Variants in CNTN5 observed in about 807,000 individuals in gnomAD.
The protein encoded by CNTN5 is contactin-5.
Under a neutral mutation model 129.1 loss-of-function variants are expected in CNTN5, and 77 were observed. The observed-to-expected ratio is 0.60, with a 90% CI of 0.50 to 0.72. CNTN5 has a LOEUF of 0.72. Ranked by LOEUF, CNTN5 falls within the 30% of genes least tolerant of loss-of-function variation. The pLI is 0.00. For synonymous variants in CNTN5, 509 were observed against 465.6 expected (o/e 1.09, Z -1.20); for missense variants, 1,478 against 1,328.8 (o/e 1.11, Z -1.75).
chr11:99,826,227 T>C (rs1346578250), intron 4 of CNTN5, among the ~76,000 whole-genome samples: 2 of 152,188 alleles, frequency 1.3e-5, no homozygotes, highest in African/African-American at 4.8e-5. Flanking sequence ...GGAAAGGAAG[T>C]ATTTTTATTA....
In CNTN5 at chr11:99,341,155, G is replaced by A. The variant is rs182648011; in HGVS notation, c.-71+15671G>A. Among the ~76,000 whole-genome samples the A allele has an allele frequency of 9.7e-4, 147 of 152,160 alleles. 1 individual carries two copies. The highest frequency in any genetic ancestry group is 3.4e-3 in the African/African-American group (142 of 41,534). On this transcript the variant is annotated intron_variant, in intron 2 of 24. Coordinates refer to ENST00000524871, the MANE Select transcript of CNTN5 (RefSeq NM_014361.4). Reference sequence around the variant, plus strand: ...AATACCATCTTGTAACTGGAAGAGAGGCTTCTCTATGAAAGTATGTTTATT... The same window carrying A: ...AATACCATCTTGTAACTGGAAGAGAAGCTTCTCTATGAAAGTATGTTTATT...
chr11:100,344,914 A>G (rs1025906901), intron 23 of CNTN5, among the ~76,000 whole-genome samples: 2 of 152,026 alleles, frequency 1.3e-5, no homozygotes, highest in African/African-American at 4.8e-5. Flanking sequence ...GCCATTTTCC[A>G]TGGAATATAA....
chr11:99,539,094 C>T (rs1948004109), intron 2 of CNTN5, among the ~76,000 whole-genome samples: 1 of 151,904 alleles, frequency 6.6e-6, no homozygotes, highest in South Asian at 2.1e-4. Context: ...GATATGCAAG[C>T]TTTATTCATA....
At chr11:100,257,840 G>C (rs1950108926) in intron 17 of CNTN5, among the ~76,000 whole-genome samples, 1 of 152,134 alleles carries the variant, frequency 6.6e-6, no homozygotes, top group Non-Finnish European at 1.5e-5. Context: ...GGAAAAAACA[G>C]CACAAAAAGG....
chr11:99,409,062 T>A (rs543069589), intron 2 of CNTN5, among the ~76,000 whole-genome samples: 3 of 152,362 alleles, frequency 2.0e-5, no homozygotes, highest in South Asian at 2.1e-4. Flanking sequence ...TAGTTTGTTG[T>A]AAGTAATCTA....
chr11:99,853,410 T>TA (rs35879593), intron 6 of CNTN5, among the ~76,000 whole-genome samples: 36,838 of 151,336 alleles, frequency 0.24, 4,552 homozygotes, highest in South Asian at 0.26. Context: ...TATATATATA[T>TA]TTTTTTGAGA....
chr11:100,056,757 G>T (rs1245880515), intron 9 of CNTN5, among the ~76,000 whole-genome samples: 2 of 151,482 alleles, frequency 1.3e-5, no homozygotes, highest in Admixed American at 6.6e-5. Flanking sequence ...GTGAGGGGAG[G>T]AGTGAGCAGA....
chr11:99,532,901 T>A (rs1244175290), intron 2 of CNTN5, among the ~76,000 whole-genome samples: 3 of 152,174 alleles, frequency 2.0e-5, no homozygotes, highest in Admixed American at 2.0e-4. Flanking sequence ...ATAAAGACAA[T>A]CCAGTTGATA....
intron 3 of CNTN5, among the ~76,000 whole-genome samples, chr11:99,785,009 C>T (rs1284843887): frequency 6.6e-6 from 1 of 151,638 alleles, no homozygotes; most frequent in Non-Finnish European, 1.5e-5. Context: ...CCATGTTAGC[C>T]AGGATGATCT....
chr11:99,377,201 G>GA (rs1185762946), intron 2 of CNTN5, among the ~76,000 whole-genome samples: 4 of 151,322 alleles, frequency 2.6e-5, no homozygotes, highest in Non-Finnish European at 4.4e-5. Context: ...TGGTAAAAAA[G>GA]AAAAAAAAGC....
At chr11:99,748,436 G>C (rs866122134) in intron 3 of CNTN5, among the ~76,000 whole-genome samples, 2 of 152,144 alleles carry the variant, frequency 1.3e-5, no homozygotes, top group Middle Eastern at 3.4e-3. Flanking sequence ...GAGTGAGAGA[G>C]ACAGCGTGTT....
intron 1 of CNTN5, among the ~76,000 whole-genome samples, chr11:99,205,488 T>C (rs1253560312): frequency 4.6e-5 from 7 of 152,172 alleles, no homozygotes; most frequent in Non-Finnish European, 8.8e-5. Flanking sequence ...TCTGTTTTAC[T>C]GGATCACCGT....
At chr11:100,190,607 A>C (rs570419025) in intron 13 of CNTN5, among the ~76,000 whole-genome samples, 33 of 152,254 alleles carry the variant, frequency 2.2e-4, no homozygotes, top group African/African-American at 7.9e-4. Context: ...CCCAGGTATC[A>C]GGTTGCATTT....
At chr11:99,315,709 A>G (rs1289197050) in intron 1 of CNTN5, among the ~76,000 whole-genome samples, 1 of 149,528 alleles carries the variant, frequency 6.7e-6, no homozygotes, top group African/African-American at 2.4e-5. Flanking sequence ...ATATGGGTAT[A>G]TTGAATAGAC....
chr11:99,710,520 C>T (rs1265395160), intron 3 of CNTN5, among the ~76,000 whole-genome samples: 1 of 151,398 alleles, frequency 6.6e-6, no homozygotes, highest in East Asian at 1.9e-4. Flanking sequence ...AGGGGCATGG[C>T]CCCTACTGCA....
chr11:99,672,551 T>C (rs1206986071), intron 3 of CNTN5, among the ~76,000 whole-genome samples: 1 of 151,442 alleles, frequency 6.6e-6, no homozygotes. Flanking sequence ...TACAATGTCA[T>C]ACTCTGCACG....
rs201659385 is a variant in CNTN5 at position 99,825,282 on chromosome 11, A to AT, written c.277+5525dup. On this transcript the variant is annotated intron_variant, in intron 4 of 24. Coordinates refer to ENST00000524871, the MANE Select transcript of CNTN5 (RefSeq NM_014361.4). ...TCTATATGTAATTCCTCTCTCTTGT[A>AT]TTTTTTTTGCATCATATGCCTATTT... Among the ~76,000 whole-genome samples the AT allele has an allele frequency of 1.4e-3, 207 of 151,496 alleles. 1 individual carries two copies. Among genetic ancestry groups the AT allele is most frequent in the East Asian group, 0.013 (67 of 5,156 alleles).
At chr11:99,357,564 G>T (rs1013754193) in intron 2 of CNTN5, among the ~76,000 whole-genome samples, 3 of 148,700 alleles carry the variant, frequency 2.0e-5, no homozygotes, top group African/African-American at 7.5e-5. Context: ...ACAGAGAGAA[G>T]AATAATCCTC....
intron 2 of CNTN5, among the ~76,000 whole-genome samples, chr11:99,549,336 C>T (rs1228127947): frequency 1.3e-5 from 2 of 152,104 alleles, no homozygotes; most frequent in Non-Finnish European, 2.9e-5. Context: ...TGGAGTATCT[C>T]TCTAGAGAGA....
Sources: allele counts gnomAD v4.1 joint callset (sites outside exome capture counted in the v4.1 genomes callset), GRCh38; gene constraint gnomAD v4.1.1; transcripts MANE v1.5; gene names NCBI Gene and HGNC (gene_info 2026-07-23, HGNC 2026-07-21).